Variants in SPG21 observed in about 807,000 individuals in gnomAD.
SPG21 encodes the protein SPG21 abhydrolase domain containing, maspardin, also known as maspardin.
SPG21 carries 26 observed loss-of-function variants against 38.9 expected under a neutral mutation model. The observed-to-expected ratio is 0.67, with a 90% CI of 0.49 to 0.93. The LOEUF (loss-of-function observed/expected upper bound fraction) is 0.93. SPG21 is among the 40% of genes least tolerant of loss of function. The pLI, the probability that SPG21 is intolerant of heterozygous loss-of-function variation, is 0.00. For missense variants in SPG21, 333 were observed against 376.5 expected (o/e 0.88, Z 0.96); for synonymous variants, 136 against 128.9 (o/e 1.05, Z -0.37).
intron 5 of SPG21, among the ~76,000 whole-genome samples, chr15:64,973,737 C>T (rs917928359): frequency 1.3e-5 from 2 of 152,172 alleles, no homozygotes; most frequent in African/African-American, 2.4e-5. Flanking sequence ...GTGTGAGCCA[C>T]CGCACCCAGC....
At chr15:64,970,048 C>T (rs1369955732) in intron 6 of SPG21, 66 bp downstream of exon 6, 2 of 1,278,882 alleles carry the variant, frequency 1.6e-6, no homozygotes, top group African/African-American at 2.9e-5. Flanking sequence ...GATCTATCTT[C>T]TGGAACCAAG....
chr15:64,965,636 C>T (rs2085526994), intron 7 of SPG21, among the ~76,000 whole-genome samples, 176 bp from the exon 8 acceptor site: 1 of 152,226 alleles, frequency 6.6e-6, no homozygotes, highest in South Asian at 2.1e-4. Context: ...ACTACCTCCA[C>T]TGCTGATCCC....
intron 3 of SPG21, among the ~76,000 whole-genome samples, chr15:64,980,617 A>T: frequency 6.6e-6 from 1 of 151,958 alleles, no homozygotes; most frequent in Non-Finnish European, 1.5e-5. Context: ...GGGCGCCTGT[A>T]ATCCCAGCTA....
chr15:64,967,470 C>CTTTTTTTT (rs34545889), intron 7 of SPG21, among the ~76,000 whole-genome samples: 1 of 143,844 alleles, frequency 7.0e-6, no homozygotes, highest in South Asian at 2.2e-4. Flanking sequence ...GCTAATTTTC[C>CTTTTTTTT]TTTTTTTTTT....
At chr15:64,987,679 C>G (rs567409266) in intron 1 of SPG21, among the ~76,000 whole-genome samples, 1 of 152,320 alleles carries the variant, frequency 6.6e-6, no homozygotes, top group African/African-American at 2.4e-5. Context: ...AAGGAAAGCC[C>G]TCTTCAGGGT....
Position 64,973,442 on chromosome 15 carries a change from A to G in SPG21, c.452+1160T>C, listed in dbSNP as rs369138437. On this transcript the variant is annotated intron_variant, in intron 5 of 8. Coordinates refer to ENST00000204566, the MANE Select transcript of SPG21 (RefSeq NM_016630.7). ...TGGCTGCACCCAAAGCATTTCCACC[A>G]TTTTGTTTTTGGTTTGTTTTTTTTT... 7.8e-3 allele frequency among the ~76,000 whole-genome samples: 1,186 copies of G among 151,474 alleles called. 52 individuals carry two copies. In the South Asian group the frequency reaches 0.12, roughly 16 times the overall value.
Position 64,989,910 on chromosome 15 carries a change from C to T in SPG21, c.-270G>A, listed in dbSNP as rs1203254869. 2 of 152,168 alleles carry T rather than the reference C, an allele frequency of 1.3e-5. No homozygotes were observed. Among genetic ancestry groups the T allele is most frequent in the African/African-American group, 4.8e-5 (2 of 41,442 alleles). The allele number at this position is 152,168 out of a possible 1,614,324, so 9.4% of individuals were successfully genotyped here. ...CGACCGCCGCTCAGCTGGCGCGAGA[C>T]TCCCGCTTCCGGGTTCTCAGAGGGC... On this transcript the variant is annotated 5_prime_UTR_variant, in exon 1 of 9. Coordinates refer to ENST00000204566, the MANE Select transcript of SPG21 (RefSeq NM_016630.7).
intron 8 of SPG21, among the ~76,000 whole-genome samples, chr15:64,964,110 T>C (rs1044115943): frequency 6.6e-6 from 1 of 152,150 alleles, no homozygotes; most frequent in Non-Finnish European, 1.5e-5. Flanking sequence ...CTGCCTTCTA[T>C]AAAAAGTTTG....
chr15:64,973,601 G>A (rs1193542712), intron 5 of SPG21, among the ~76,000 whole-genome samples: 1 of 152,110 alleles, frequency 6.6e-6, no homozygotes, highest in Non-Finnish European at 1.5e-5. Context: ...ATAGGCATGT[G>A]CCACCTTGCC....
At chr15:64,974,558 A>G in intron 5 of SPG21, 44 bp downstream of exon 5, 2 of 1,612,420 alleles carry the variant, frequency 1.2e-6, no homozygotes, top group East Asian at 4.5e-5. Flanking sequence ...AAAAGCCAAC[A>G]TTTTCAAAAT....
chr15:64,988,857 C>T (rs1382205396), intron 1 of SPG21: 1 of 152,318 alleles, frequency 6.6e-6, no homozygotes, highest in Non-Finnish European at 1.5e-5. Flanking sequence ...TGGCGGGAGC[C>T]TGTAGTGCCA....
At chr15:64,968,756 A>G (rs2085599988) in intron 7 of SPG21, among the ~76,000 whole-genome samples, 1 of 152,144 alleles carries the variant, frequency 6.6e-6, no homozygotes, top group Non-Finnish European at 1.5e-5. Flanking sequence ...GGAATTCTTG[A>G]TTCTCTACCC....
intron 3 of SPG21, among the ~76,000 whole-genome samples, chr15:64,979,347 G>GT (rs2085843085): frequency 6.6e-6 from 1 of 152,174 alleles, no homozygotes; most frequent in African/African-American, 2.4e-5. Flanking sequence ...AAAAATGGTA[G>GT]TGTCATGTCT....
In SPG21 at chr15:64,989,664, C is replaced by T. The variant is rs1263077964; in HGVS notation, c.-25+1G>A. The T allele has an allele frequency of 6.6e-6, 1 of 152,632 alleles. No individual in the cohort carries two copies. The highest frequency in any genetic ancestry group is 2.4e-5 in the African/African-American group (1 of 41,392). The allele number at this position is 152,632 out of a possible 1,614,324, so 9.5% of individuals were successfully genotyped here. ...CTTCCCAGGGCTTCGCCCACCCTCA[C>T]CTGCCGTGGCCGCCCCCACGTCCCT... is the stretch of plus-strand genomic sequence containing the variant. On this transcript the variant is annotated splice_donor_variant, in intron 1 of 8. Transcript: ENST00000204566. LOFTEE classifies it low-confidence loss of function (5UTR_SPLICE).
At chr15:64,980,441 A>G (rs1249086163) in intron 3 of SPG21, among the ~76,000 whole-genome samples, 2 of 152,130 alleles carry the variant, frequency 1.3e-5, no homozygotes, top group Non-Finnish European at 2.9e-5. Context: ...TCTTTCCTCA[A>G]TTAAAAAAAC....
intron 2 of SPG21, 95 bp from the exon 3 acceptor site, chr15:64,981,120 C>G: frequency 6.8e-7 from 1 of 1,469,732 alleles, no homozygotes; most frequent in Middle Eastern, 2.1e-4. Context: ...TTTACTACTA[C>G]TGCCTTGTTT....
At chr15:64,982,142 C>CTTTTTTTTTTTTTTTTTTT (rs56118434) in intron 2 of SPG21, among the ~76,000 whole-genome samples, 15 of 114,608 alleles carry the variant, frequency 1.3e-4, no homozygotes, top group Admixed American at 3.2e-4. Context: ...CTTTTCTTTT[C>CTTTTTTTTTTTTTTTTTTT]TTTTTTTTTT....
rs769736510 is a variant in SPG21 at position 64,969,248 on chromosome 15, A to G, written c.669+7T>C. 6 of 1,562,300 alleles carry G rather than the reference A, an allele frequency of 3.8e-6. No homozygotes were observed. In the South Asian group the frequency reaches 6.7e-5, roughly 17 times the overall value. On this transcript the variant is annotated splice_region_variant and intron_variant, in intron 7 of 8. Coordinates refer to ENST00000204566, the MANE Select transcript of SPG21 (RefSeq NM_016630.7). ...AAAGCAGCTATTTTACTTAAAAGGA[A>G]GCTTACATCCATAATAGTTACAGGT...
Position 64,974,609 on chromosome 15 carries a change from C to T in SPG21, c.445G>A (p.Ala149Thr). The T allele has an allele frequency of 1.2e-6, 2 of 1,614,162 alleles. No individual in the cohort carries two copies. Among genetic ancestry groups the T allele is most frequent in the Non-Finnish European group, 1.7e-6 (2 of 1,180,030 alleles). The change falls in exon 5 of 9, where the codon GCA becomes ACA. Residue 149 changes from alanine (A) to threonine (T), a missense_variant. Ala to Thr is a moderately conservative substitution (Grantham distance 58, BLOSUM62 0). Coordinates refer to ENST00000204566, the MANE Select transcript of SPG21 (RefSeq NM_016630.7). ...DTSIFNQTWT[A>T]NSFWLMPAFM... ...AAGTAATTTTGTTCTTACCTGTTTG[C>T]AGTCCAAGTTTGGTTGAAGATAGAG...
Sources: gnomAD v4.1 joint callset for allele counts (sites outside exome capture counted in the v4.1 genomes callset) on GRCh38, gnomAD v4.1.1 for gene constraint, MANE v1.5 for transcripts, NCBI Gene and HGNC (gene_info 2026-07-23, HGNC 2026-07-21) for gene names.